FRMD4A: variants seen among roughly 807,000 people sequenced by gnomAD.
FRMD4A encodes FERM domain-containing protein 4A.
Under a neutral mutation model 129.1 loss-of-function variants are expected in FRMD4A, and 29 were observed. The observed-to-expected ratio is 0.22, with a 90% CI of 0.17 to 0.31. The LOEUF (loss-of-function observed/expected upper bound fraction) is 0.31. Ranked by LOEUF, FRMD4A falls within the 10% of genes least tolerant of loss-of-function variation. The pLI is 1.00. For missense variants in FRMD4A, 1,272 were observed against 1,375.8 expected, an observed-to-expected ratio of 0.92 and a Z score of 1.19; for synonymous variants, 634 against 571.6, an observed-to-expected ratio of 1.11 and a Z score of -1.56.
chr10:14,270,306 T>C (rs1426179178), intron 2 of FRMD4A, among the ~76,000 whole-genome samples: 1 of 152,218 alleles, frequency 6.6e-6, no homozygotes, highest in Non-Finnish European at 1.5e-5. Flanking sequence ...TAAATAGTTA[T>C]CATGTCAGTT....
intron 2 of FRMD4A, among the ~76,000 whole-genome samples, chr10:13,911,864 A>T (rs1480166138): frequency 6.6e-6 from 1 of 152,172 alleles, no homozygotes; most frequent in African/African-American, 2.4e-5. Context: ...GCCTGGCCTC[A>T]AGGAATCTCT....
intron 3 of FRMD4A, among the ~76,000 whole-genome samples, chr10:13,846,386 T>G (rs2094045684): frequency 6.6e-6 from 1 of 152,186 alleles, no homozygotes; most frequent in South Asian, 2.1e-4. Flanking sequence ...AAAGCAGAGA[T>G]TTGCAAACCC....
intron 2 of FRMD4A, among the ~76,000 whole-genome samples, chr10:13,924,882 G>A (rs1420397967): frequency 6.6e-6 from 1 of 151,866 alleles, no homozygotes; most frequent in Non-Finnish European, 1.5e-5. Context: ...GGCCAACATG[G>A]TGAAACCCCG....
intron 2 of FRMD4A, among the ~76,000 whole-genome samples, chr10:14,039,407 C>CTATCTATCTATCTATCT (rs1833672639): frequency 3.7e-4 from 55 of 147,810 alleles, no homozygotes; most frequent in African/African-American, 1.1e-3. Flanking sequence ...TCCATCCATC[C>CTATCTATCTATCTATCT]ATCTATCTAT....
chr10:13,765,029 T>C (rs1273202298), intron 6 of FRMD4A, among the ~76,000 whole-genome samples: 2 of 151,948 alleles, frequency 1.3e-5, no homozygotes, highest in Non-Finnish European at 2.9e-5. Flanking sequence ...AAGAACAATA[T>C]CTATAATCCA....
chr10:14,185,791 A>T (rs1237257252), intron 2 of FRMD4A, among the ~76,000 whole-genome samples: 1 of 152,154 alleles, frequency 6.6e-6, no homozygotes. Context: ...TACAATCCAG[A>T]CTAGTCCTGG....
intron 13 of FRMD4A, among the ~76,000 whole-genome samples, chr10:13,705,915 C>G (rs1218026442): frequency 6.6e-6 from 1 of 152,170 alleles, no homozygotes; most frequent in African/African-American, 2.4e-5. Flanking sequence ...AGGCAGATTA[C>G]CCTGGAGGGC....
intron 6 of FRMD4A, among the ~76,000 whole-genome samples, chr10:13,774,931 G>T (rs1306531283): frequency 7.1e-6 from 1 of 141,098 alleles, no homozygotes; most frequent in Non-Finnish European, 1.5e-5. Context: ...ATAATATAAA[G>T]AAACTCTTAG....
intron 2 of FRMD4A, among the ~76,000 whole-genome samples, chr10:14,283,289 G>A (rs1845581172): frequency 6.6e-6 from 1 of 152,164 alleles, no homozygotes; most frequent in African/African-American, 2.4e-5. Flanking sequence ...TTTTGAATTG[G>A]AATGACTTCT....
intron 2 of FRMD4A, among the ~76,000 whole-genome samples, chr10:13,981,335 G>A (rs1333904331): frequency 6.6e-6 from 1 of 152,208 alleles, no homozygotes; most frequent in African/African-American, 2.4e-5. Flanking sequence ...GTCAACCAAA[G>A]CATCTGTGAA....
intron 12 of FRMD4A, among the ~76,000 whole-genome samples, chr10:13,723,822 G>T (rs2089666392): frequency 6.6e-6 from 1 of 152,226 alleles, no homozygotes; most frequent in Non-Finnish European, 1.5e-5. Flanking sequence ...GGGTTACCTG[G>T]AGAGCTTAAT....
At chr10:13,839,308 G>T (rs1331460480) in intron 3 of FRMD4A, among the ~76,000 whole-genome samples, 3 of 152,046 alleles carry the variant, frequency 2.0e-5, no homozygotes, top group Non-Finnish European at 4.4e-5. Flanking sequence ...ATCCAGCCAG[G>T]ACCACCATTT....
At chr10:13,899,052 C>T (rs546313847) in intron 2 of FRMD4A, among the ~76,000 whole-genome samples, 4 of 152,216 alleles carry the variant, frequency 2.6e-5, no homozygotes, top group African/African-American at 7.2e-5. Flanking sequence ...TGGGTTTGCA[C>T]CTGTAGTCTC....
intron 3 of FRMD4A, among the ~76,000 whole-genome samples, chr10:13,855,657 A>G (rs1439418892): frequency 6.6e-6 from 1 of 152,172 alleles, no homozygotes; most frequent in Non-Finnish European, 1.5e-5. Flanking sequence ...TATCAGTCTC[A>G]GTGTTTAATA....
chr10:13,875,205 G>A (rs2094476485), intron 2 of FRMD4A, among the ~76,000 whole-genome samples: 1 of 152,152 alleles, frequency 6.6e-6, no homozygotes. Flanking sequence ...AACAAAGAAG[G>A]GGGAGCTAAT....
chr10:14,149,421 T>C (rs1840236309), intron 2 of FRMD4A, among the ~76,000 whole-genome samples: 1 of 151,990 alleles, frequency 6.6e-6, no homozygotes, highest in Non-Finnish European at 1.5e-5. Flanking sequence ...CTCACTGTGG[T>C]CTTAAACTCC....
chr10:13,967,429 A>C (rs912178313), intron 2 of FRMD4A, among the ~76,000 whole-genome samples: 7 of 152,228 alleles, frequency 4.6e-5, no homozygotes, highest in Non-Finnish European at 4.4e-5. Context: ...AATTGGGTGC[A>C]GTGTATACTG....
chr10:13,966,755 T>C (rs564079098), intron 2 of FRMD4A, among the ~76,000 whole-genome samples: 1 of 152,232 alleles, frequency 6.6e-6, no homozygotes, highest in East Asian at 1.9e-4. Flanking sequence ...AGTCATTATA[T>C]GAAAAATACA....
chr10:14,089,853 C>T (rs188609658), intron 2 of FRMD4A, among the ~76,000 whole-genome samples: 205 of 152,306 alleles, frequency 1.3e-3, no homozygotes, highest in African/African-American at 4.6e-3. Flanking sequence ...TTTCCTCTGT[C>T]CTCTTTATAA....
Sources: allele counts gnomAD v4.1 joint callset (sites outside exome capture counted in the v4.1 genomes callset), GRCh38; gene constraint gnomAD v4.1.1; transcripts MANE v1.5; gene names NCBI Gene and HGNC (gene_info 2026-07-23, HGNC 2026-07-21).